C16orf96: variants seen among roughly 807,000 people sequenced by gnomAD.
The protein encoded by C16orf96 is chromosome 16 open reading frame 96.
In C16orf96, 108 loss-of-function variants were observed where a neutral mutation model predicts 103.6. The ratio of observed to expected loss-of-function variants is 1.04; its 90% CI spans 0.89 to 1.22. The LOEUF is 1.22. Ranked by LOEUF, C16orf96 falls within the 50% of genes most tolerant of loss-of-function variation. The probability of loss-of-function intolerance (pLI) is 0.00; values close to 1 mark genes in which losing one functional copy is unlikely to be tolerated. For synonymous variants in C16orf96, 566 were observed against 593.5 expected (o/e 0.95, Z 0.67); for missense variants, 1,586 against 1,464.2 (o/e 1.08, Z -1.36).
intron 14 of C16orf96, among the ~76,000 whole-genome samples, chr16:4,596,225 G>A (rs1324081904): frequency 6.6e-6 from 1 of 152,102 alleles, no homozygotes; most frequent in Non-Finnish European, 1.5e-5. Flanking sequence ...GGTGGCTCAC[G>A]CCTGTAATCC....
At chr16:4,545,522 T>C in the C16orf96 span, among the ~76,000 whole-genome samples, 3 of 152,288 alleles carry the variant, frequency 2.0e-5, 1 homozygote, top group Middle Eastern at 6.8e-3. Flanking sequence ...TTCTGTTAAA[T>C]TGATTTAGCC....
rs140594166 is a variant in C16orf96, at chr16:4,597,195, C to T, written c.3128-2089C>T. 4.0e-3 allele frequency among the ~76,000 whole-genome samples: 613 copies of T among 152,290 alleles called. 8 individuals carry two copies. Among genetic ancestry groups the T allele is most frequent in the African/African-American group, 0.014 (574 of 41,556 alleles). On this transcript the variant is annotated intron_variant, in intron 14 of 15. Coordinates refer to ENST00000444310, the MANE Select transcript of C16orf96 (RefSeq NM_001145011.2). The stretch of plus-strand genomic sequence containing the variant: ...TCCTCGAGAGGACTGGCCGTTCCAG[C>T]CCCTGCCCCCTGCCTGGTATCTGCT...
chr16:4,568,045 C>T (rs1442113309), intron 1 of C16orf96, among the ~76,000 whole-genome samples: 1 of 151,874 alleles, frequency 6.6e-6, no homozygotes. Flanking sequence ...TCTATGGGAG[C>T]CATTGGCAAT....
Position 4,593,272 on chromosome 16 carries a change from A to T in C16orf96, c.2823A>T (p.Pro941=). The change falls in exon 12 of 16, where the codon CCA becomes CCT. Residue 941 remains proline, a synonymous_variant. Coordinates refer to ENST00000444310, the MANE Select transcript of C16orf96 (RefSeq NM_001145011.2). The surrounding 1 kb of genome is among the most constrained non-coding windows in gnomAD (Gnocchi z 4.2). ...CCCACCTGCTGTCCCGGCTGCGGCCAGCCAGCGCCAACAGCTGCGAGTACT... is the reference window on the plus strand; with the variant it reads ...CCCACCTGCTGTCCCGGCTGCGGCCTGCCAGCGCCAACAGCTGCGAGTACT... ...RKAHLLSRLR[P]ASANSCEYLQ... 6.4e-7 allele frequency: 1 copy of T among 1,551,090 alleles called. No individual in the cohort carries two copies. The highest frequency in any genetic ancestry group is 8.7e-7 in the Non-Finnish European group (1 of 1,146,900).
the C16orf96 span, chr16:4,538,668 C>G: frequency 2.0e-5 from 3 of 152,242 alleles, no homozygotes; most frequent in Non-Finnish European, 2.9e-5. Context: ...GGCTCCCGCG[C>G]GAAGCCGTCT....
chr16:4,562,670 T>C (rs1438912756), intron 1 of C16orf96: 2 of 382,076 alleles, frequency 5.2e-6, no homozygotes, highest in Non-Finnish European at 9.5e-6. Flanking sequence ...AATGCACATA[T>C]AAAAAAAGTA....
intron 1 of C16orf96, among the ~76,000 whole-genome samples, chr16:4,570,866 C>T (rs949812178): frequency 1.3e-5 from 2 of 152,138 alleles, no homozygotes; most frequent in African/African-American, 4.8e-5. Context: ...CAGAGCCAGG[C>T]TCCACAGGAG....
chr16:4,591,834 G>T, intron 10 of C16orf96, 50 bp downstream of exon 10: 2 of 1,366,180 alleles, frequency 1.5e-6, no homozygotes, highest in Non-Finnish European at 2.0e-6. Context: ...TGCCCAGGCT[G>T]TGGGGAACAC....
upstream of C16orf96, among the ~76,000 whole-genome samples, chr16:4,554,570 T>C (rs1483995995): frequency 6.6e-6 from 1 of 151,852 alleles, no homozygotes; most frequent in Non-Finnish European, 1.5e-5. Flanking sequence ...TTAGCCAAGA[T>C]GGTCTCAATC....
upstream of C16orf96, among the ~76,000 whole-genome samples, chr16:4,552,675 G>A (rs2059235408): frequency 6.6e-6 from 1 of 152,040 alleles, no homozygotes; most frequent in East Asian, 1.9e-4. Context: ...AATTCCTGGT[G>A]GGTTCCGGTC....
chr16:4,586,415 G>C (rs1029498037), intron 7 of C16orf96, among the ~76,000 whole-genome samples: 1 of 152,182 alleles, frequency 6.6e-6, no homozygotes. Flanking sequence ...AAGCGTGAGC[G>C]GGACACCCGA....
intron 1 of C16orf96, among the ~76,000 whole-genome samples, chr16:4,568,889 C>T (rs537801890): frequency 6.6e-6 from 1 of 152,156 alleles, no homozygotes; most frequent in South Asian, 2.1e-4. Context: ...TTCAGCCCCC[C>T]AAAATGCTGG....
intron 1 of C16orf96, among the ~76,000 whole-genome samples, chr16:4,566,713 C>T (rs148057895): frequency 6.7e-4 from 102 of 152,036 alleles, no homozygotes; most frequent in African/African-American, 2.2e-3. Context: ...TAGGTTTACT[C>T]GGATTGTCTA....
intron 1 of C16orf96, among the ~76,000 whole-genome samples, chr16:4,565,081 G>A (rs553059995): frequency 6.6e-6 from 1 of 152,102 alleles, no homozygotes; most frequent in South Asian, 2.1e-4. Flanking sequence ...TTGTCTGAGG[G>A]GGTGTTTGCC....
At chr16:4,546,219 T>C in the C16orf96 span, among the ~76,000 whole-genome samples, 135,938 of 141,486 alleles carry the variant, frequency 0.96, 65,500 homozygotes, top group South Asian at 1. Context: ...AGTGCAGTGG[T>C]GTAATCTCGG....
intron 1 of C16orf96, among the ~76,000 whole-genome samples, chr16:4,570,932 G>A (rs1366135793): frequency 6.6e-6 from 1 of 152,168 alleles, no homozygotes; most frequent in Non-Finnish European, 1.5e-5. Flanking sequence ...ACTTTGGGAG[G>A]ATGACGCGGG....
chr16:4,565,677 C>T (rs866289475), intron 1 of C16orf96, among the ~76,000 whole-genome samples: 16 of 152,074 alleles, frequency 1.1e-4, no homozygotes, highest in Admixed American at 6.6e-5. Flanking sequence ...TTCGTAGAGA[C>T]GGGGTTTTAC....
chr16:4,556,482 C>G lies in C16orf96; in HGVS notation c.-8C>G. The G allele has an allele frequency of 6.6e-7, 1 of 1,517,670 alleles. No homozygotes were observed. The highest frequency in any genetic ancestry group is 8.9e-7 in the Non-Finnish European group (1 of 1,125,820). 94.0% of individuals were successfully genotyped at this position (1,517,670 alleles called of 1,614,324 possible). On this transcript the variant is annotated 5_prime_UTR_variant, in exon 1 of 16. Coordinates refer to ENST00000444310, the MANE Select transcript of C16orf96 (RefSeq NM_001145011.2). Reference sequence around the variant, plus strand: ...GGAACCCCAGCCCCACTGACCCACCCTGGCAGGATGAGCTTCTCACTCACG... The same window carrying G: ...GGAACCCCAGCCCCACTGACCCACCGTGGCAGGATGAGCTTCTCACTCACG...
At chr16:4,563,323 C>T (rs1367163405) in intron 1 of C16orf96, among the ~76,000 whole-genome samples, 1 of 151,616 alleles carries the variant, frequency 6.6e-6, no homozygotes, top group Non-Finnish European at 1.5e-5. Context: ...GATCTCAGCT[C>T]ACTGCAGCCT....
Sources: gnomAD v4.1 joint callset for allele counts (sites outside exome capture counted in the v4.1 genomes callset) on GRCh38, gnomAD v4.1.1 for gene constraint, Gnocchi (gnomAD v3.1) non-coding constraint, MANE v1.5 for transcripts, NCBI Gene and HGNC (gene_info 2026-07-23, HGNC 2026-07-21) for gene names.